Variants in B3GALT1 observed in about 807,000 individuals in gnomAD.
B3GALT1 encodes the protein beta-1,3-galactosyltransferase 1, also known as UDP-Gal:betaGlcNAc beta 1,3-galactosyltransferase, polypeptide 1.
A neutral mutation model predicts 23.2 loss-of-function variants in B3GALT1; 10 were observed. The ratio of observed to expected loss-of-function variants is 0.43; its 90% CI spans 0.27 to 0.73. The LOEUF is 0.73. Ranked by LOEUF, B3GALT1 falls within the 30% of genes least tolerant of loss-of-function variation. B3GALT1 has a pLI of 0.21. For missense variants in B3GALT1, 299 were observed against 405.4 expected, an observed-to-expected ratio of 0.74 and a Z score of 2.25; for synonymous variants, 156 against 141.5, an observed-to-expected ratio of 1.10 and a Z score of -0.73.
At position 167,776,096 on chromosome 2, in the gene B3GALT1, T is replaced by A. The variant is rs542659860; in HGVS notation, c.-351-42576T>A. Among the ~76,000 whole-genome samples, 9 of 151,382 alleles carry A rather than the reference T, an allele frequency of 5.9e-5. No homozygotes were observed. In the South Asian group the frequency reaches 1.9e-3, roughly 31 times the overall value. ...CACACACAATTATAGGTATTTGGAA[T>A]GTTCTCCCACTTTCACAGAGACTTT... On this transcript the variant is annotated intron_variant, in intron 3 of 4. Transcript: ENST00000392690.
intron 3 of B3GALT1, among the ~76,000 whole-genome samples, chr2:167,809,710 C>A (rs1361597249): frequency 5.3e-5 from 8 of 152,182 alleles, no homozygotes; most frequent in Non-Finnish European, 1.2e-4. Context: ...GGGTGCCTCC[C>A]AGTTAGGCTA....
intron 2 of B3GALT1, among the ~76,000 whole-genome samples, chr2:167,554,445 C>G (rs1191970408): frequency 1.3e-5 from 2 of 152,182 alleles, no homozygotes; most frequent in Non-Finnish European, 1.5e-5. Context: ...GACCAGGTAA[C>G]AGCCGAAGGT....
intron 4 of B3GALT1, among the ~76,000 whole-genome samples, chr2:167,826,661 T>C (rs1297107734): frequency 1.3e-5 from 2 of 152,184 alleles, no homozygotes; most frequent in Non-Finnish European, 2.9e-5. Context: ...TTATGGCACA[T>C]ATGAATCAGC....
At chr2:167,368,800 A>T (rs1697631643) in intron 1 of B3GALT1, among the ~76,000 whole-genome samples, 1 of 152,172 alleles carries the variant, frequency 6.6e-6, no homozygotes, top group Non-Finnish European at 1.5e-5. Flanking sequence ...CTATGTGTCC[A>T]TGCTCTTTTG....
At chr2:167,315,027 T>C (rs541812640) in intron 1 of B3GALT1, among the ~76,000 whole-genome samples, 2 of 152,260 alleles carry the variant, frequency 1.3e-5, no homozygotes, top group African/African-American at 2.4e-5. Flanking sequence ...TTAAGCATTA[T>C]TAAAATAAGT....
intron 3 of B3GALT1, among the ~76,000 whole-genome samples, chr2:167,787,596 T>C (rs1688362859): frequency 6.6e-6 from 1 of 152,228 alleles, no homozygotes; most frequent in Admixed American, 6.5e-5. Flanking sequence ...AGACTCACCA[T>C]CACATTTTCA....
chr2:167,765,557 G>A (rs958900276), intron 3 of B3GALT1, among the ~76,000 whole-genome samples: 4 of 152,034 alleles, frequency 2.6e-5, no homozygotes, highest in Admixed American at 2.6e-4. Context: ...CTAAACAATT[G>A]GGTTTATAAC....
intron 1 of B3GALT1, among the ~76,000 whole-genome samples, chr2:167,464,777 A>G (rs929204861): frequency 2.0e-5 from 3 of 152,188 alleles, no homozygotes; most frequent in African/African-American, 7.2e-5. Flanking sequence ...GCTGAGTGCA[A>G]TGAATGAAGT....
chr2:167,660,104 A>G, intron 3 of B3GALT1, among the ~76,000 whole-genome samples: 1 of 152,102 alleles, frequency 6.6e-6, no homozygotes, highest in East Asian at 1.9e-4. Flanking sequence ...CATTTCATAA[A>G]CATATCAGGA....
chr2:167,834,741 C>T (rs760598895), intron 4 of B3GALT1, among the ~76,000 whole-genome samples: 1 of 151,992 alleles, frequency 6.6e-6, no homozygotes, highest in Non-Finnish European at 1.5e-5. Context: ...CCCAGCTACT[C>T]AGGAGGCTGA....
At chr2:167,588,081 C>G (rs1207941555) in intron 2 of B3GALT1, among the ~76,000 whole-genome samples, 1 of 152,184 alleles carries the variant, frequency 6.6e-6, no homozygotes, top group Non-Finnish European at 1.5e-5. Context: ...CATTGCACCT[C>G]TTTAAACAGG....
At chr2:167,768,357 T>G (rs1688012415) in intron 3 of B3GALT1, among the ~76,000 whole-genome samples, 1 of 152,248 alleles carries the variant, frequency 6.6e-6, no homozygotes, top group Non-Finnish European at 1.5e-5. Context: ...AGATTTATTA[T>G]GCATCTGGCT....
At chr2:167,803,867 C>A (rs66864629) in intron 3 of B3GALT1, among the ~76,000 whole-genome samples, 1 of 152,116 alleles carries the variant, frequency 6.6e-6, no homozygotes, top group African/African-American at 2.4e-5. Context: ...AGGCATTTAG[C>A]CCCATGAAAG....
intron 1 of B3GALT1, among the ~76,000 whole-genome samples, chr2:167,341,040 A>G (rs1697139219): frequency 6.6e-6 from 1 of 152,250 alleles, no homozygotes; most frequent in South Asian, 2.1e-4. Flanking sequence ...GGAAACTGAC[A>G]TTAAGAACTC....
chr2:167,522,555 A>G lies in B3GALT1; in HGVS notation c.-410+32278A>G, dbSNP rs77686069. 8.5e-4 allele frequency among the ~76,000 whole-genome samples: 130 copies of G among 152,292 alleles called. 2 individuals carry two copies. The East Asian group carries it at 0.024, about 29-fold the overall frequency. ...CATGTTGGGCTAAATTTTCTCTATCAAAAGACATATTTAATTAGAAGAAAG... is the reference window on the plus strand; with the variant it reads ...CATGTTGGGCTAAATTTTCTCTATCGAAAGACATATTTAATTAGAAGAAAG... On this transcript the variant is annotated intron_variant, in intron 2 of 4. Transcript: ENST00000392690.
chr2:167,570,306 T>C (rs146168745), intron 2 of B3GALT1, among the ~76,000 whole-genome samples: 17 of 151,970 alleles, frequency 1.1e-4, no homozygotes, highest in African/African-American at 4.1e-4. Context: ...GCTTTCTGTT[T>C]TGGAAGGTTA....
At chr2:167,817,401 G>A (rs1367223325) in intron 3 of B3GALT1, among the ~76,000 whole-genome samples, 1 of 152,142 alleles carries the variant, frequency 6.6e-6, no homozygotes, top group Admixed American at 6.5e-5. Flanking sequence ...CACTTTCTAT[G>A]TATTCATTTA....
At chr2:167,633,313 ACC>A (rs34794816) in intron 2 of B3GALT1, among the ~76,000 whole-genome samples, 5,681 of 152,004 alleles carry the variant, frequency 0.037, 249 homozygotes, top group African/African-American at 0.1. Context: ...CACAAAGGGA[ACC>A]GCCCATCAGA....
At chr2:167,297,722 A>G (rs1696375424) in intron 1 of B3GALT1, among the ~76,000 whole-genome samples, 1 of 152,080 alleles carries the variant, frequency 6.6e-6, no homozygotes, top group Admixed American at 6.6e-5. Flanking sequence ...TTATCCTCAT[A>G]TGAAGAATGG....
Sources: gnomAD v4.1 joint callset for allele counts (sites outside exome capture counted in the v4.1 genomes callset) on GRCh38, gnomAD v4.1.1 for gene constraint, MANE v1.5 for transcripts, NCBI Gene and HGNC (gene_info 2026-07-23, HGNC 2026-07-21) for gene names.